MOB3B: variants seen among roughly 807,000 people sequenced by gnomAD.
The protein encoded by MOB3B is MOB kinase activator 3B.
MOB3B carries 7 observed loss-of-function variants against 18.7 expected under a neutral mutation model. The ratio of observed to expected loss-of-function variants is 0.37; its 90% CI spans 0.21 to 0.70. The LOEUF is 0.70. MOB3B is among the 30% of genes least tolerant of loss of function. MOB3B has a pLI of 0.52. For synonymous variants in MOB3B, 111 were observed against 99.9 expected, an observed-to-expected ratio of 1.11 and a Z score of -0.66; for missense variants, 253 against 281.3, an observed-to-expected ratio of 0.90 and a Z score of 0.72.
intron 2 of MOB3B, among the ~76,000 whole-genome samples, chr9:27,377,598 G>A (rs1049468197): frequency 1.3e-5 from 2 of 152,200 alleles, no homozygotes; most frequent in Non-Finnish European, 2.9e-5. Context: ...TGAGTCTGGG[G>A]AGGGGTCTGA....
intron 3 of MOB3B, among the ~76,000 whole-genome samples, chr9:27,355,631 C>T (rs1335500880): frequency 1.3e-5 from 2 of 149,340 alleles, no homozygotes; most frequent in African/African-American, 5.0e-5. Context: ...GTGATCTCGG[C>T]TCACTGCAAG....
intron 2 of MOB3B, among the ~76,000 whole-genome samples, chr9:27,370,665 T>C (rs1185566738): frequency 6.6e-6 from 1 of 152,194 alleles, no homozygotes; most frequent in Non-Finnish European, 1.5e-5. Flanking sequence ...CTTCCCAGCC[T>C]CCTGAACTGT....
intron 2 of MOB3B, among the ~76,000 whole-genome samples, chr9:27,371,475 G>C (rs1821413680): frequency 6.6e-6 from 1 of 152,210 alleles, no homozygotes; most frequent in Non-Finnish European, 1.5e-5. Flanking sequence ...CATTGCATTT[G>C]CATGTAAGAT....
intron 3 of MOB3B, among the ~76,000 whole-genome samples, chr9:27,341,246 A>G (rs532178626): frequency 2.0e-5 from 3 of 152,228 alleles, no homozygotes; most frequent in Non-Finnish European, 4.4e-5. Context: ...CATGCAAGAA[A>G]CGCTGAACAA....
At chr9:27,350,900 CT>C (rs36005041) in intron 3 of MOB3B, among the ~76,000 whole-genome samples, 11,022 of 131,836 alleles carry the variant, frequency 0.084, 463 homozygotes, top group African/African-American at 0.12. Flanking sequence ...CCATGGTGGG[CT>C]TTTTTTTTTT....
At chr9:27,353,582 T>C (rs1023526737) in intron 3 of MOB3B, among the ~76,000 whole-genome samples, 4 of 152,114 alleles carry the variant, frequency 2.6e-5, no homozygotes, top group African/African-American at 9.7e-5. Context: ...AACAAGAAAA[T>C]GGAGCCTTGG....
At chr9:27,390,595 G>C (rs1203398967) in intron 2 of MOB3B, among the ~76,000 whole-genome samples, 2 of 152,172 alleles carry the variant, frequency 1.3e-5, no homozygotes, top group African/African-American at 4.8e-5. Context: ...TCTGAAGCCA[G>C]GCTGTCTGAT....
intron 2 of MOB3B, among the ~76,000 whole-genome samples, chr9:27,402,908 T>G (rs899198558): frequency 1.3e-5 from 2 of 152,218 alleles, no homozygotes; most frequent in Non-Finnish European, 2.9e-5. Flanking sequence ...CGATGAGCCT[T>G]TAGCTGTTGG....
intron 1 of MOB3B, among the ~76,000 whole-genome samples, chr9:27,463,066 C>T (rs1819318443): frequency 6.6e-6 from 1 of 152,136 alleles, no homozygotes; most frequent in Non-Finnish European, 1.5e-5. Context: ...TTAGCATTAG[C>T]AAGTACTGAA....
At chr9:27,525,698 GGA>G (rs140290319) in intron 1 of MOB3B, among the ~76,000 whole-genome samples, 9,467 of 152,144 alleles carry the variant, frequency 0.062, 329 homozygotes, top group East Asian at 0.11. Flanking sequence ...AAAATGCTGT[GGA>G]AAAGTATGGT....
chr9:27,502,889 A>G (rs1820009765), intron 1 of MOB3B, among the ~76,000 whole-genome samples: 1 of 152,204 alleles, frequency 6.6e-6, no homozygotes, highest in Admixed American at 6.5e-5. Flanking sequence ...AAGATCAGCA[A>G]TTCTAAAACA....
intron 3 of MOB3B, among the ~76,000 whole-genome samples, chr9:27,352,825 A>G (rs1431612949): frequency 1.3e-5 from 2 of 152,376 alleles, no homozygotes; most frequent in South Asian, 4.1e-4. Context: ...AGCCAAATGC[A>G]GTTAAATTGG....
intron 3 of MOB3B, among the ~76,000 whole-genome samples, chr9:27,343,497 AAAAG>A (rs1271386700): frequency 6.6e-6 from 1 of 151,092 alleles, no homozygotes; most frequent in Non-Finnish European, 1.5e-5. Flanking sequence ...AAAAAAAAAA[AAAAG>A]AACTAAACCT....
chr9:27,445,491 C>T (rs1822675572), intron 2 of MOB3B, among the ~76,000 whole-genome samples: 1 of 152,216 alleles, frequency 6.6e-6, no homozygotes, highest in East Asian at 1.9e-4. Context: ...CAGGTAGTTT[C>T]TAGCGACTCT....
intron 2 of MOB3B, among the ~76,000 whole-genome samples, chr9:27,438,607 A>G (rs1011411028): frequency 1.3e-5 from 2 of 152,168 alleles, no homozygotes; most frequent in Non-Finnish European, 2.9e-5. Flanking sequence ...GAAAAACCTG[A>G]GCTCCAGTTT....
At chr9:27,402,893 T>C (rs949256541) in intron 2 of MOB3B, among the ~76,000 whole-genome samples, 2 of 152,220 alleles carry the variant, frequency 1.3e-5, no homozygotes, top group African/African-American at 2.4e-5. Flanking sequence ...CAGCTTGCAA[T>C]TGTGCGATGA....
chr9:27,370,220 G>A (rs1821396133), intron 2 of MOB3B, among the ~76,000 whole-genome samples: 1 of 152,086 alleles, frequency 6.6e-6, no homozygotes, highest in East Asian at 1.9e-4. Flanking sequence ...TTAAAAAGGA[G>A]GGTCCTGGCT....
chr9:27,349,861 G>C (rs1821081004), intron 3 of MOB3B, among the ~76,000 whole-genome samples: 1 of 152,172 alleles, frequency 6.6e-6, no homozygotes. Flanking sequence ...GAACGGAAAT[G>C]CCTCATGTGG....
chr9:27,489,741 C>CTTTTTTT lies in MOB3B; in HGVS notation c.-198-34000_-198-33994dup, dbSNP rs66757462. ...ACATCACACCAGATAAGGAAATAAT[C>CTTTTTTT]TTTTTTTTTTTTTGGTCCAACAGGG... On this transcript the variant is annotated intron_variant, in intron 1 of 3. Coordinates refer to ENST00000262244, the MANE Select transcript of MOB3B (RefSeq NM_024761.5). 4.4e-4 allele frequency among the ~76,000 whole-genome samples: 32 copies of CTTTTTTT among 73,152 alleles called. 3 individuals carry two copies. The highest frequency in any genetic ancestry group is 7.4e-4 in the Non-Finnish European group (29 of 38,980). 48.0% of individuals were successfully genotyped at this position (73,152 alleles called of 152,430 possible). A position where few individuals can be genotyped will look rare whatever the true frequency, so the allele number is the denominator to read the frequency against.
Sources: gnomAD v4.1 joint callset for allele counts (sites outside exome capture counted in the v4.1 genomes callset) on GRCh38, gnomAD v4.1.1 for gene constraint, MANE v1.5 for transcripts, NCBI Gene and HGNC (gene_info 2026-07-23, HGNC 2026-07-21) for gene names.